The following WDR70 variants were observed in gnomAD, a reference collection of about 807,000 sequenced individuals.
WDR70 encodes WD repeat domain 70, also known as WD repeat-containing protein 70.
WDR70 carries 53 observed loss-of-function variants against 88.6 expected under a neutral mutation model. The ratio of observed to expected loss-of-function variants is 0.60; its 90% CI spans 0.48 to 0.75. The LOEUF is 0.75. Ranked by LOEUF, WDR70 falls within the 30% of genes least tolerant of loss-of-function variation. WDR70 has a pLI of 0.00. For missense variants in WDR70, 610 were observed against 823.2 expected (o/e 0.74, Z 3.17); for synonymous variants, 280 against 270.0 (o/e 1.04, Z -0.36).
intron 5 of WDR70, among the ~76,000 whole-genome samples, chr5:37,424,063 C>T (rs1050562230): frequency 7.1e-6 from 1 of 140,990 alleles, no homozygotes; most frequent in African/African-American, 2.6e-5. Context: ...GCAGGAGAAT[C>T]GCTTGAACAC....
chr5:37,647,899 T>G lies in WDR70; in HGVS notation c.1092+42661T>G, dbSNP rs10075851. On this transcript the variant is annotated intron_variant, in intron 10 of 17. Coordinates refer to ENST00000265107, the MANE Select transcript of WDR70 (RefSeq NM_018034.4). ...ATGGCAGCAGGCAAGAGAGAGAGTGTGGGGGTGCAGGAAAAACTACCGTTT... is the reference window on the plus strand; with the variant it reads ...ATGGCAGCAGGCAAGAGAGAGAGTGGGGGGGTGCAGGAAAAACTACCGTTT... Among the ~76,000 whole-genome samples, 7 of 152,080 alleles carry G rather than the reference T, an allele frequency of 4.6e-5. No homozygotes were observed. The East Asian group carries it at 5.8e-4, about 13-fold the overall frequency.
chr5:37,395,828 G>T (rs1210283128), intron 4 of WDR70, among the ~76,000 whole-genome samples: 2 of 151,732 alleles, frequency 1.3e-5, no homozygotes, highest in Non-Finnish European at 2.9e-5. Flanking sequence ...TTTGAGACAG[G>T]GTCTCACTGT....
Position 37,686,984 on chromosome 5 carries a change from T to G in WDR70, c.1093-10671T>G, listed in dbSNP as rs918243068. On this transcript the variant is annotated intron_variant, in intron 10 of 17. Coordinates refer to ENST00000265107, the MANE Select transcript of WDR70 (RefSeq NM_018034.4). ...ATAATAATAATAATAATAATAATAA[T>G]AAGCCTATATAAGGTAGTTAATTAT... Among the ~76,000 whole-genome samples, 7 of 133,960 alleles carry G rather than the reference T, an allele frequency of 5.2e-5. No homozygotes were observed. In the East Asian group the frequency reaches 1.6e-3, roughly 30 times the overall value. 87.9% of individuals were successfully genotyped at this position (133,960 alleles called of 152,430 possible). A position where few individuals can be genotyped will look rare whatever the true frequency, so the allele number is the denominator to read the frequency against.
At chr5:37,645,198 G>T in intron 10 of WDR70, among the ~76,000 whole-genome samples, 1 of 150,412 alleles carries the variant, frequency 6.6e-6, no homozygotes. Flanking sequence ...TTTTTTTCAA[G>T]AAATTTTTCA....
chr5:37,531,972 G>T lies in WDR70; in HGVS notation c.917+15382G>T, dbSNP rs558909718. 5.9e-5 allele frequency among the ~76,000 whole-genome samples: 9 copies of T among 152,220 alleles called. No homozygotes were observed. In the South Asian group the frequency reaches 1.9e-3, roughly 32 times the overall value. On this transcript the variant is annotated intron_variant, in intron 9 of 17. Coordinates refer to ENST00000265107, the MANE Select transcript of WDR70 (RefSeq NM_018034.4). ...GGCCTGGTAGTGGCGAATTCTCTCA[G>T]CATTTTTTTATCTAGAAAAGACTGT...
At chr5:37,588,584 T>C (rs1203477466) in intron 9 of WDR70, among the ~76,000 whole-genome samples, 2 of 151,886 alleles carry the variant, frequency 1.3e-5, no homozygotes, top group Non-Finnish European at 2.9e-5. Flanking sequence ...TTATTTTTTA[T>C]TTTTATTTTT....
At chr5:37,688,213 T>A (rs1347345986) in intron 10 of WDR70, among the ~76,000 whole-genome samples, 4 of 152,160 alleles carry the variant, frequency 2.6e-5, no homozygotes, top group Non-Finnish European at 5.9e-5. Flanking sequence ...ACCCTGGAAA[T>A]CATTTACTTC....
chr5:37,560,655 A>G (rs1355435597), intron 9 of WDR70, among the ~76,000 whole-genome samples: 1 of 152,168 alleles, frequency 6.6e-6, no homozygotes, highest in Non-Finnish European at 1.5e-5. Context: ...AATATGCTTC[A>G]ATAGTTCTTT....
At chr5:37,729,668 C>T (rs1281028827) in intron 17 of WDR70, among the ~76,000 whole-genome samples, 9 of 152,172 alleles carry the variant, frequency 5.9e-5, no homozygotes, top group African/African-American at 9.7e-5. Flanking sequence ...ATACTTTCTT[C>T]ACCACCCCAG....
At chr5:37,525,103 A>G (rs1363440644) in intron 9 of WDR70, among the ~76,000 whole-genome samples, 2 of 152,152 alleles carry the variant, frequency 1.3e-5, no homozygotes, top group South Asian at 2.1e-4. Flanking sequence ...ATCCAGGAAT[A>G]GAACTCAGCT....
rs1486185262 is a variant in WDR70 at position 37,398,162 on chromosome 5, C to T, written c.492+1592C>T. On this transcript the variant is annotated intron_variant, in intron 5 of 17. Transcript: ENST00000265107. ...GGAATGTGGTGGCGCCATCTCCGCT[C>T]ACTGCAAGCTTCGCCTCCCGGGTTC... 2.1e-4 allele frequency among the ~76,000 whole-genome samples: 31 copies of T among 144,264 alleles called. No individual in the cohort carries two copies. In the East Asian group the frequency reaches 5.9e-3, roughly 28 times the overall value. The allele number at this position is 144,264 out of a possible 152,430, so 94.6% of individuals were successfully genotyped here.
intron 10 of WDR70, among the ~76,000 whole-genome samples, chr5:37,681,895 T>C (rs991184858): frequency 5.9e-5 from 9 of 152,146 alleles, no homozygotes; most frequent in Non-Finnish European, 1.2e-4. Context: ...TTTTCTTTTT[T>C]TTGTTGTGTC....
At chr5:37,692,660 C>T (rs77241757) in intron 10 of WDR70, among the ~76,000 whole-genome samples, 3 of 152,148 alleles carry the variant, frequency 2.0e-5, no homozygotes. Flanking sequence ...CAACAAAATT[C>T]AGCAGCCCTT....
chr5:37,407,765 G>A (rs1279894788), intron 5 of WDR70, among the ~76,000 whole-genome samples: 5 of 151,496 alleles, frequency 3.3e-5, no homozygotes, highest in Admixed American at 6.6e-5. Flanking sequence ...CTGGCCTTAC[G>A]AGATCCTCCT....
intron 10 of WDR70, among the ~76,000 whole-genome samples, chr5:37,674,692 T>C (rs1233405178): frequency 6.6e-6 from 1 of 152,106 alleles, no homozygotes; most frequent in Non-Finnish European, 1.5e-5. Flanking sequence ...GCAATAAACA[T>C]ACGTGTGCAT....
intron 5 of WDR70, among the ~76,000 whole-genome samples, chr5:37,433,676 T>C (rs191573854): frequency 1.3e-5 from 2 of 152,334 alleles, no homozygotes; most frequent in Admixed American, 1.3e-4. Flanking sequence ...TATTATTCTC[T>C]CCTGGATGTT....
intron 5 of WDR70, among the ~76,000 whole-genome samples, chr5:37,416,552 AGGGAGAGGGAGAGGGCTT>A (rs1432357010): frequency 3.7e-4 from 53 of 143,548 alleles, no homozygotes; most frequent in African/African-American, 1.3e-3. Flanking sequence ...TCGTGGGGAG[AGGGAGAGGGAGAGGGCTT>A]GGGAGAGGGC....
chr5:37,697,056 A>C (rs536060493), intron 10 of WDR70, among the ~76,000 whole-genome samples: 4 of 152,318 alleles, frequency 2.6e-5, no homozygotes, highest in African/African-American at 9.6e-5. Flanking sequence ...AATGGAGATG[A>C]TAATAATGGA....
intron 14 of WDR70, chr5:37,722,126 A>C (rs1271362938): frequency 2.0e-5 from 3 of 152,198 alleles, no homozygotes; most frequent in African/African-American, 7.2e-5. Flanking sequence ...GTATTTGAAA[A>C]CAAATAGGAT....
Sources: gnomAD v4.1 joint callset for allele counts (sites outside exome capture counted in the v4.1 genomes callset) on GRCh38, gnomAD v4.1.1 for gene constraint, MANE v1.5 for transcripts, NCBI Gene and HGNC (gene_info 2026-07-23, HGNC 2026-07-21) for gene names.